PCDHGB7: variants seen among roughly 807,000 people sequenced by gnomAD.
PCDHGB7 encodes the protein protocadherin gamma-B7.
Under a neutral mutation model 61.4 loss-of-function variants are expected in PCDHGB7, and 37 were observed. That is an observed-to-expected ratio of 0.60 (90% confidence interval 0.46 to 0.79). PCDHGB7 has a LOEUF of 0.79. Ranked by LOEUF, PCDHGB7 falls within the 30% of genes least tolerant of loss-of-function variation. The pLI is 0.00. For synonymous variants in PCDHGB7, 464 were observed against 503.5 expected, an observed-to-expected ratio of 0.92 and a Z score of 1.05; for missense variants, 1,166 against 1,202.5, an observed-to-expected ratio of 0.97 and a Z score of 0.45.
intron 1 of PCDHGB7, among the ~76,000 whole-genome samples, chr5:141,444,703 T>A (rs963617867): frequency 6.6e-6 from 1 of 152,248 alleles, no homozygotes; most frequent in Non-Finnish European, 1.5e-5. Context: ...TTCCTCTTTC[T>A]GTTGAATTTG....
chr5:141,502,884 A>T (rs2099816871), intron 2 of PCDHGB7, among the ~76,000 whole-genome samples: 1 of 36,804 alleles, frequency 2.7e-5, no homozygotes, highest in African/African-American at 3.5e-4. Context: ...TTTTTTTGAC[A>T]GGGAGTCTAG....
Position 141,420,269 on chromosome 5 carries a change from A to C in PCDHGB7, c.2410A>C (p.Lys804Gln). 1 of 1,544,558 alleles carries C rather than the reference A, an allele frequency of 6.5e-7. No individual in the cohort carries two copies. Among genetic ancestry groups the C allele is most frequent in the Non-Finnish European group, 8.8e-7 (1 of 1,140,412 alleles). ...PSVEADKKIL[K>Q]QQAPPNTDWR... ...CGTTGAAGCAGATAAGAAGATTCTT[A>C]AACAGGTAAGTATTTAAAAATGTAT... is the stretch of plus-strand genomic sequence containing the variant. The change falls in exon 1 of 4, where the codon AAA (lysine) becomes CAA (glutamine). Residue 804 changes from lysine (K) to glutamine (Q), a missense_variant. Physicochemically the swap from Lys to Gln is moderately conservative, Grantham distance 53. Transcript: ENST00000398594.
intron 1 of PCDHGB7, chr5:141,468,346 AAAAG>A (rs2099164910): frequency 6.8e-6 from 1 of 147,210 alleles, no homozygotes; most frequent in South Asian, 2.2e-4. Flanking sequence ...AAAAAAAAAA[AAAAG>A]AAAGAAAAAA....
intron 1 of PCDHGB7, among the ~76,000 whole-genome samples, chr5:141,444,199 T>C (rs2098425653): frequency 7.4e-6 from 1 of 134,516 alleles, no homozygotes; most frequent in African/African-American, 2.9e-5. Context: ...GAGATGGAGT[T>C]TCACTCTTGT....
rs183531575 is a variant in PCDHGB7 at position 141,469,308 on chromosome 5, G to A, written c.2416-25499G>A. Among the ~76,000 whole-genome samples the A allele has an allele frequency of 2.5e-3, 379 of 152,184 alleles. 1 individual carries two copies. The highest frequency in any genetic ancestry group is 5.8e-3 in the South Asian group (28 of 4,814). On this transcript the variant is annotated intron_variant, in intron 1 of 3. Transcript: ENST00000398594. ...TAAAACAAAATAGACTGGGCACGAT[G>A]GCTCACGCCTGTAATCCCACCACTT...
intron 3 of PCDHGB7, chr5:141,508,084 T>A (rs1422530110): frequency 6.6e-6 from 1 of 152,432 alleles, no homozygotes; most frequent in East Asian, 1.9e-4. Flanking sequence ...CTGGAGTTGC[T>A]GCCTTGGCCC....
chr5:141,433,802 A>G (rs2097651656), intron 1 of PCDHGB7, among the ~76,000 whole-genome samples: 1 of 149,280 alleles, frequency 6.7e-6, no homozygotes, highest in Non-Finnish European at 1.5e-5. Flanking sequence ...GTGCCATTGC[A>G]CTCCAGCCTG....
In PCDHGB7 at chr5:141,419,682, T is replaced by C. The variant is rs758536078; in HGVS notation, c.1823T>C (p.Val608Ala). The C allele has an allele frequency of 6.2e-7, 1 of 1,612,950 alleles. No homozygotes were observed. Among genetic ancestry groups the C allele is most frequent in the Non-Finnish European group, 8.5e-7 (1 of 1,179,644 alleles). ...SGHNAWLSYH[V>A]VQASEPGLFS... ...CACAATGCCTGGCTGTCCTACCACG[T>C]GGTGCAGGCCAGTGAGCCCGGGCTC... The change falls in exon 1 of 4, where the codon GTG (valine) becomes GCG (alanine). Residue 608 changes from valine (V) to alanine (A), a missense_variant. Coordinates refer to ENST00000398594, the MANE Select transcript of PCDHGB7 (RefSeq NM_018927.4).
At chr5:141,461,456 T>C (rs12186717) in intron 1 of PCDHGB7, among the ~76,000 whole-genome samples, 42,391 of 152,030 alleles carry the variant, frequency 0.28, 6,631 homozygotes, top group African/African-American at 0.43. Context: ...AATGGCTATT[T>C]GTGTCCTTTG....
intron 1 of PCDHGB7, chr5:141,478,451 G>A (rs377597887): frequency 2.5e-6 from 4 of 1,613,440 alleles, no homozygotes; most frequent in African/African-American, 2.7e-5. Context: ...ACCTGGTGCA[G>A]CCAGTCCACT....
intron 1 of PCDHGB7, among the ~76,000 whole-genome samples, chr5:141,461,805 C>T (rs773854105): frequency 4.6e-5 from 7 of 151,854 alleles, no homozygotes; most frequent in Non-Finnish European, 8.8e-5. Flanking sequence ...AGGTGCCCAC[C>T]ACCACACCCA....
chr5:141,433,547 C>G (rs2097621028), intron 1 of PCDHGB7, among the ~76,000 whole-genome samples: 1 of 152,086 alleles, frequency 6.6e-6, no homozygotes, highest in South Asian at 2.1e-4. Context: ...ATCAGATATT[C>G]TTTTCTGGCT....
rs527475797 is a variant in PCDHGB7 at position 141,418,759 on chromosome 5, C to T, written c.900C>T (p.Asn300=). 17 of 1,613,898 alleles carry T rather than the reference C, an allele frequency of 1.1e-5. No individual in the cohort carries two copies. The highest frequency in any genetic ancestry group is 1.4e-5 in the Non-Finnish European group (16 of 1,179,784). Residue 300 remains asparagine (N), a synonymous_variant, in exon 1 of 4, where the codon AAC becomes AAT. Coordinates refer to ENST00000398594, the MANE Select transcript of PCDHGB7 (RefSeq NM_018927.4). The part of the protein sequence containing the change: ...HVFSLDYTTG[N]ILTQQPLDFE... ...TCTCTCTGGATTACACTACAGGAAA[C>T]ATTCTAACTCAGCAGCCTTTGGATT... is the stretch of plus-strand genomic sequence containing the variant.
At position 141,477,532 on chromosome 5, in the gene PCDHGB7, CG is replaced by C; in HGVS notation, c.2416-17271del. 6.2e-7 allele frequency: 1 copy of C among 1,614,146 alleles called. No individual in the cohort carries two copies. The highest frequency in any genetic ancestry group is 8.5e-7 in the Non-Finnish European group (1 of 1,180,028). Reference sequence around the variant, plus strand: ...TTTACATTGAAGAAAACAACCTCCCCGGGGCTCCAATACTAAACCTAAGTGT... The same window carrying C: ...TTTACATTGAAGAAAACAACCTCCCCGGGCTCCAATACTAAACCTAAGTGT... On this transcript the variant is annotated intron_variant, in intron 1 of 3. Transcript: ENST00000398594. This position sits in a 1 kb window ranked among gnomAD's most constrained non-coding sequence, Gnocchi z 4.9.
At chr5:141,421,548 G>C in intron 1 of PCDHGB7, 1 of 1,613,984 alleles carries the variant, frequency 6.2e-7, no homozygotes, top group Non-Finnish European at 8.5e-7. Flanking sequence ...TTTTAAATAT[G>C]GAACTTCTCG....
At chr5:141,461,924 A>C (rs930104571) in intron 1 of PCDHGB7, among the ~76,000 whole-genome samples, 1 of 152,100 alleles carries the variant, frequency 6.6e-6, no homozygotes, top group East Asian at 1.9e-4. Context: ...CCTGGGTTCC[A>C]GCAATTCTCC....
intron 1 of PCDHGB7, among the ~76,000 whole-genome samples, chr5:141,449,229 A>G (rs1356585763): frequency 1.3e-5 from 2 of 152,142 alleles, no homozygotes; most frequent in South Asian, 2.1e-4. Context: ...AATGATTTCA[A>G]ATTTTCAAAG....
At position 141,490,219 on chromosome 5, in the gene PCDHGB7, C is replaced by T. The variant is rs771985398; in HGVS notation, c.2416-4588C>T. 2.5e-5 allele frequency: 41 copies of T among 1,614,094 alleles called. No individual in the cohort carries two copies. The highest frequency in any genetic ancestry group is 3.3e-5 in the Non-Finnish European group (39 of 1,180,038). On this transcript the variant is annotated intron_variant, in intron 1 of 3. Coordinates refer to ENST00000398594, the MANE Select transcript of PCDHGB7 (RefSeq NM_018927.4). This position sits in a 1 kb window ranked among gnomAD's most constrained non-coding sequence, Gnocchi z 5.4. ...TCATGCAAGAGCCCGTGACCAGGGA[C>T]AGCCTGCCATGGAGGGCCACTGTGT... is the stretch of plus-strand genomic sequence containing the variant.
intron 1 of PCDHGB7, 40 bp downstream of exon 1, chr5:141,420,314 A>G (rs1454977890): frequency 6.9e-7 from 1 of 1,442,692 alleles, no homozygotes; most frequent in African/African-American, 1.4e-5. Flanking sequence ...TTTATATTAC[A>G]ATATGCCAAT....
Sources: allele counts gnomAD v4.1 joint callset (sites outside exome capture counted in the v4.1 genomes callset), GRCh38; gene constraint gnomAD v4.1.1; non-coding constraint Gnocchi (gnomAD v3.1); transcripts MANE v1.5; gene names NCBI Gene and HGNC (gene_info 2026-07-23, HGNC 2026-07-21).